RBFOX1: variants seen among roughly 807,000 people sequenced by gnomAD.
RBFOX1 encodes the protein RNA binding protein fox-1 homolog 1.
Under a neutral mutation model 57.7 loss-of-function variants are expected in RBFOX1, and 8 were observed. The observed-to-expected ratio is 0.14, with a 90% confidence interval of 0.08 to 0.25. The LOEUF (loss-of-function observed/expected upper bound fraction) is 0.25. RBFOX1 is among the 10% of genes least tolerant of loss of function. The pLI is 1.00. For missense variants in RBFOX1, 611 were observed against 548.5 expected (o/e 1.11, Z -1.14); for synonymous variants, 326 against 222.4 (o/e 1.47, Z -4.15).
At chr16:7,248,946 G>A (rs886929838) in intron 4 of RBFOX1, among the ~76,000 whole-genome samples, 1 of 152,146 alleles carries the variant, frequency 6.6e-6, no homozygotes, top group African/African-American at 2.4e-5. Context: ...GCACCATCTT[G>A]TTCTAGGAGA....
intron 2 of RBFOX1, among the ~76,000 whole-genome samples, chr16:5,563,335 CT>C (rs2045952898): frequency 6.6e-6 from 1 of 152,220 alleles, no homozygotes; most frequent in Non-Finnish European, 1.5e-5. Context: ...CCTAGGTGAA[CT>C]AACTGTCTGT....
At chr16:6,955,790 C>T (rs531368817) in intron 3 of RBFOX1, among the ~76,000 whole-genome samples, 2 of 152,080 alleles carry the variant, frequency 1.3e-5, no homozygotes, top group East Asian at 1.9e-4. Context: ...ACTGCAACCT[C>T]CATTTCCCTG....
chr16:6,200,492 T>C (rs964081837), intron 1 of RBFOX1, among the ~76,000 whole-genome samples: 8 of 152,152 alleles, frequency 5.3e-5, no homozygotes, highest in African/African-American at 1.9e-4. Context: ...TAACACAACA[T>C]ATGTGTTCCT....
At chr16:7,392,536 G>T (rs141513886) in intron 4 of RBFOX1, among the ~76,000 whole-genome samples, 1 of 152,216 alleles carries the variant, frequency 6.6e-6, no homozygotes, top group Admixed American at 6.5e-5. Flanking sequence ...GGTCAAGGAA[G>T]AAAGAAGGCA....
intron 3 of RBFOX1, among the ~76,000 whole-genome samples, chr16:6,958,154 G>C (rs2082254751): frequency 6.6e-6 from 1 of 152,116 alleles, no homozygotes; most frequent in South Asian, 2.1e-4. Context: ...CAAGGGGAGG[G>C]GAAAGTTAAC....
At chr16:5,911,338 G>A (rs532842380) in intron 4 of RBFOX1, among the ~76,000 whole-genome samples, 16 of 152,290 alleles carry the variant, frequency 1.1e-4, no homozygotes, top group Non-Finnish European at 1.8e-4. Context: ...TGGAAGATCC[G>A]AAGCTCTGAA....
rs539859590 is a variant in RBFOX1 at position 7,222,923 on chromosome 16, C to G, written c.27+170825C>G. Reference sequence around the variant, plus strand: ...CTCACTACATTTTGCTCAACCAGTCCTCTCATTTGCAGCGATTTTTTTTTC... The same window carrying G: ...CTCACTACATTTTGCTCAACCAGTCGTCTCATTTGCAGCGATTTTTTTTTC... On this transcript the variant is annotated intron_variant, in intron 4 of 15. Transcript: ENST00000550418. Among the ~76,000 whole-genome samples the G allele has an allele frequency of 3.1e-3, 476 of 152,224 alleles. 1 individual carries two copies. Among genetic ancestry groups the G allele is most frequent in the African/African-American group, 0.011 (446 of 41,556 alleles).
chr16:5,247,485 C>T (rs2062331523), intron 1 of RBFOX1, among the ~76,000 whole-genome samples: 1 of 152,176 alleles, frequency 6.6e-6, no homozygotes, highest in Non-Finnish European at 1.5e-5. Flanking sequence ...AGTATCTGAG[C>T]AGCTCCTGTG....
At chr16:7,390,623 C>G (rs1292303912) in intron 4 of RBFOX1, among the ~76,000 whole-genome samples, 2 of 152,138 alleles carry the variant, frequency 1.3e-5, no homozygotes, top group African/African-American at 4.8e-5. Context: ...GAGCATAGAT[C>G]ATTTTCGGAT....
At chr16:6,562,868 CTTTCTTTCTTTCT>C (rs2097199623) in intron 2 of RBFOX1, among the ~76,000 whole-genome samples, 4 of 50,336 alleles carry the variant, frequency 7.9e-5, no homozygotes, top group African/African-American at 1.7e-4. Flanking sequence ...TTCTTTCTTT[CTTTCTTTCTTTCT>C]TTTTTTTTTT....
chr16:6,888,788 T>A (rs2064743149), intron 3 of RBFOX1, among the ~76,000 whole-genome samples: 1 of 152,148 alleles, frequency 6.6e-6, no homozygotes, highest in Non-Finnish European at 1.5e-5. Context: ...AGAATTTTAT[T>A]TCACCCTATT....
chr16:6,622,021 C>T (rs566200094), intron 2 of RBFOX1, among the ~76,000 whole-genome samples: 4 of 152,160 alleles, frequency 2.6e-5, no homozygotes, highest in African/African-American at 4.8e-5. Context: ...ATTTTCAAGC[C>T]TTTACAAGAC....
chr16:5,474,861 A>G lies in RBFOX1; in HGVS notation c.258+7607A>G, dbSNP rs530243945. Among the ~76,000 whole-genome samples the G allele has an allele frequency of 1.7e-3, 253 of 152,314 alleles. 1 individual carries two copies. Among genetic ancestry groups the G allele is most frequent in the African/African-American group, 5.8e-3 (243 of 41,582 alleles). ...CCCGTACATATTCTGAGCCCATGCT[A>G]TTTGACTCACAAAGGCTATTTATTG... On this transcript the variant is annotated intron_variant, in intron 2 of 2. Transcript: ENST00000585867.
chr16:7,334,812 A>T (rs1421025137), intron 4 of RBFOX1, among the ~76,000 whole-genome samples: 1 of 152,208 alleles, frequency 6.6e-6, no homozygotes, highest in Non-Finnish European at 1.5e-5. Context: ...GCATTTGAGA[A>T]ACATAGCCAG....
intron 2 of RBFOX1, among the ~76,000 whole-genome samples, chr16:5,530,981 C>T (rs182720494): frequency 1.5e-5 from 2 of 133,416 alleles, no homozygotes; most frequent in Admixed American, 1.5e-4. Context: ...AAAAATTAGC[C>T]AGGCTTGGTG....
chr16:7,150,628 C>A (rs887462349), intron 4 of RBFOX1, among the ~76,000 whole-genome samples: 1 of 152,162 alleles, frequency 6.6e-6, no homozygotes, highest in Non-Finnish European at 1.5e-5. Context: ...CAACTTAATT[C>A]TTTACGACTG....
intron 14 of RBFOX1, among the ~76,000 whole-genome samples, chr16:7,703,485 T>C (rs148616801): frequency 1.5e-3 from 221 of 152,232 alleles, no homozygotes; most frequent in African/African-American, 5.2e-3. Context: ...ATGATACTAA[T>C]GGAAGAATAA....
intron 4 of RBFOX1, among the ~76,000 whole-genome samples, chr16:7,504,755 TTA>T (rs1225848111): frequency 0.017 from 164 of 9,912 alleles, 9 homozygotes; most frequent in African/African-American, 0.039. Context: ...ATATATATAT[TTA>T]TATATATATA....
chr16:6,870,125 G>T (rs546670134), intron 3 of RBFOX1, among the ~76,000 whole-genome samples: 1 of 151,980 alleles, frequency 6.6e-6, no homozygotes, highest in African/African-American at 2.4e-5. Context: ...TTTTGCATAA[G>T]GCTCTTGGAC....
Sources: allele counts gnomAD v4.1 joint callset (sites outside exome capture counted in the v4.1 genomes callset), GRCh38; gene constraint gnomAD v4.1.1; transcripts MANE v1.5; gene names NCBI Gene and HGNC (gene_info 2026-07-23, HGNC 2026-07-21).